The following ARHGAP20 variants were observed in gnomAD, a reference collection of about 807,000 sequenced individuals.
The protein encoded by ARHGAP20 is rho GTPase-activating protein 20.
In ARHGAP20, 34 loss-of-function variants were observed where a neutral mutation model predicts 73.7. The ratio of observed to expected loss-of-function variants is 0.46; its 90% CI spans 0.35 to 0.61. The LOEUF (loss-of-function observed/expected upper bound fraction) is 0.61. ARHGAP20 is among the 20% of genes least tolerant of loss of function. The pLI, the probability that ARHGAP20 is intolerant of heterozygous loss-of-function variation, is 0.00. For missense variants in ARHGAP20, 1,314 were observed against 1,420.9 expected (o/e 0.92, Z 1.21); for synonymous variants, 523 against 518.2 (o/e 1.01, Z -0.13).
intron 1 of ARHGAP20, among the ~76,000 whole-genome samples, chr11:110,707,682 A>G (rs1418600128): frequency 6.6e-6 from 1 of 152,066 alleles, no homozygotes; most frequent in African/African-American, 2.4e-5. Flanking sequence ...CTTTGAACTT[A>G]ATGCTCCCAC....
chr11:110,697,542 T>C (rs937463868), intron 1 of ARHGAP20, among the ~76,000 whole-genome samples: 9 of 151,892 alleles, frequency 5.9e-5, no homozygotes, highest in African/African-American at 1.9e-4. Flanking sequence ...TTTACTCTTA[T>C]TATTTCTTTT....
At chr11:110,703,169 A>G (rs942781171) in intron 1 of ARHGAP20, among the ~76,000 whole-genome samples, 3 of 152,154 alleles carry the variant, frequency 2.0e-5, no homozygotes, top group African/African-American at 4.8e-5. Flanking sequence ...CATCCCAACC[A>G]GGACCACTTT....
intron 2 of ARHGAP20, among the ~76,000 whole-genome samples, chr11:110,665,727 G>C (rs1949710742): frequency 6.6e-6 from 1 of 152,130 alleles, no homozygotes; most frequent in Admixed American, 6.5e-5. Flanking sequence ...TCTGAGAACT[G>C]ATCAGTGCAT....
At position 110,592,073 on chromosome 11, in the gene ARHGAP20, G is replaced by C. The variant is rs746491318; in HGVS notation, c.1047C>G (p.Asn349Lys). ...FWRGSSTHLDNLPSSPTSPMP... is the reference protein window; with the variant it reads ...FWRGSSTHLDKLPSSPTSPMP... ...TAGGTGATGTTGGCGATGAGGGCAA[G>C]TTGTCCAGGTGAGTGCTAGAACCTC... is the stretch of plus-strand genomic sequence containing the variant. The change falls in exon 10 of 15, where the codon AAC becomes AAG. Residue 349 changes from asparagine (N) to lysine (K), a missense_variant. By Grantham distance (94) the Asn-to-Lys change is moderately conservative. Coordinates refer to ENST00000683387, the MANE Select transcript of ARHGAP20 (RefSeq NM_001384657.1). The C allele has an allele frequency of 1.9e-6, 3 of 1,614,052 alleles. No individual in the cohort carries two copies. Among genetic ancestry groups the C allele is most frequent in the South Asian group, 2.2e-5 (2 of 91,086 alleles).
chr11:110,653,535 C>G (rs1949403021), intron 2 of ARHGAP20, among the ~76,000 whole-genome samples: 1 of 152,128 alleles, frequency 6.6e-6, no homozygotes, highest in Non-Finnish European at 1.5e-5. Flanking sequence ...CCATCTCATG[C>G]CAGTCAGAAC....
Position 110,630,774 on chromosome 11 carries a change from A to G in ARHGAP20, c.207T>C (p.Ser69=). 1 of 1,613,998 alleles carries G rather than the reference A, an allele frequency of 6.2e-7. No individual in the cohort carries two copies. Among genetic ancestry groups the G allele is most frequent in the Non-Finnish European group, 8.5e-7 (1 of 1,179,926 alleles). Residue 69 remains serine (S), a synonymous_variant, in exon 3 of 15, where the codon AGT becomes AGC. Coordinates refer to ENST00000683387, the MANE Select transcript of ARHGAP20 (RefSeq NM_001384657.1). ...ATGACAGAAATGTGCATGTGTCAACACTAGCAGAAGGACTGTCCCTGTAAC... is the reference window on the plus strand; with the variant it reads ...ATGACAGAAATGTGCATGTGTCAACGCTAGCAGAAGGACTGTCCCTGTAAC... ...RPTTRDSPSA[S]VDTCTFLSSL...
chr11:110,585,842 T>G (rs1184737473), intron 12 of ARHGAP20, among the ~76,000 whole-genome samples: 1 of 152,176 alleles, frequency 6.6e-6, no homozygotes, highest in East Asian at 1.9e-4. Flanking sequence ...CTTACCAGAC[T>G]GAGTTCCATG....
chr11:110,655,046 A>G (rs1314754685), intron 2 of ARHGAP20, among the ~76,000 whole-genome samples: 1 of 152,140 alleles, frequency 6.6e-6, no homozygotes, highest in Non-Finnish European at 1.5e-5. Flanking sequence ...ATTCAAATTA[A>G]CTACATTTGA....
At chr11:110,582,483 T>C in intron 13 of ARHGAP20, 48 bp from the exon 14 acceptor site, 2 of 1,225,094 alleles carry the variant, frequency 1.6e-6, no homozygotes, top group South Asian at 2.5e-5. Context: ...ATTACATGTT[T>C]ATAAATCACA....
intron 4 of ARHGAP20, among the ~76,000 whole-genome samples, chr11:110,617,691 TC>T (rs1203613161): frequency 1.3e-5 from 2 of 152,118 alleles, no homozygotes; most frequent in Non-Finnish European, 2.9e-5. Context: ...TATTTCCCTT[TC>T]CCCCCTGCTC....
intron 9 of ARHGAP20, among the ~76,000 whole-genome samples, chr11:110,605,692 T>A (rs1320351307): frequency 6.6e-6 from 1 of 151,912 alleles, no homozygotes; most frequent in Non-Finnish European, 1.5e-5. Context: ...AATTTCAGAC[T>A]TTCCCCTGGC....
chr11:110,705,367 G>C (rs566365360), intron 1 of ARHGAP20, among the ~76,000 whole-genome samples: 1 of 152,132 alleles, frequency 6.6e-6, no homozygotes, highest in African/African-American at 2.4e-5. Context: ...TGAAGGCATA[G>C]AGGGTGATAA....
intron 9 of ARHGAP20, among the ~76,000 whole-genome samples, chr11:110,595,880 C>G (rs1250910575): frequency 6.6e-6 from 1 of 152,126 alleles, no homozygotes; most frequent in African/African-American, 2.4e-5. Flanking sequence ...ATCACGCTAC[C>G]TGACTTCAAA....
chr11:110,622,540 A>AT (rs1452246474), intron 4 of ARHGAP20, among the ~76,000 whole-genome samples: 3 of 152,090 alleles, frequency 2.0e-5, no homozygotes, highest in Admixed American at 6.5e-5. Context: ...AGATTTCACC[A>AT]TTTTTTCCAT....
intron 2 of ARHGAP20, among the ~76,000 whole-genome samples, chr11:110,685,598 C>T (rs1054268849): frequency 2.0e-5 from 3 of 152,118 alleles, no homozygotes; most frequent in Admixed American, 1.3e-4. Context: ...ATACAGTTAA[C>T]TCATCAGTTA....
At chr11:110,597,244 C>G (rs1055601192) in intron 9 of ARHGAP20, among the ~76,000 whole-genome samples, 11 of 148,654 alleles carry the variant, frequency 7.4e-5, no homozygotes, top group African/African-American at 1.0e-4. Context: ...ACATATGTAA[C>G]AAGCCTGCAC....
chr11:110,612,014 T>C (rs1260701419), intron 6 of ARHGAP20, among the ~76,000 whole-genome samples: 1 of 152,056 alleles, frequency 6.6e-6, no homozygotes, highest in Non-Finnish European at 1.5e-5. Context: ...AAAAAAGAAA[T>C]GAAAATTTTA....
At chr11:110,672,431 T>C (rs1949847383) in intron 2 of ARHGAP20, among the ~76,000 whole-genome samples, 1 of 152,094 alleles carries the variant, frequency 6.6e-6, no homozygotes, top group Non-Finnish European at 1.5e-5. Flanking sequence ...AAATGCAAAT[T>C]AAAACCACAA....
intron 2 of ARHGAP20, among the ~76,000 whole-genome samples, chr11:110,644,568 T>C (rs1240702432): frequency 2.0e-5 from 3 of 152,086 alleles, no homozygotes; most frequent in Admixed American, 6.6e-5. Context: ...CCCTATTCAA[T>C]AAATGGTGCT....
Sources: allele counts gnomAD v4.1 joint callset (sites outside exome capture counted in the v4.1 genomes callset), GRCh38; gene constraint gnomAD v4.1.1; transcripts MANE v1.5; gene names NCBI Gene and HGNC (gene_info 2026-07-23, HGNC 2026-07-21).